The following NDST1 variants were observed in gnomAD, a reference collection of about 807,000 sequenced individuals.
NDST1 encodes the protein N-deacetylase and N-sulfotransferase 1.
NDST1 carries 35 observed loss-of-function variants against 92.8 expected under a neutral mutation model. That is an observed-to-expected ratio of 0.38 (90% CI 0.29 to 0.50). The LOEUF (loss-of-function observed/expected upper bound fraction) is 0.50, where lower values mean the gene tolerates loss of function less well. Ranked by LOEUF, NDST1 falls within the 20% of genes least tolerant of loss-of-function variation. NDST1 has a pLI of 0.94. For missense variants in NDST1, 822 were observed against 1,182.7 expected (o/e 0.69, Z 4.47); for synonymous variants, 493 against 500.3 (o/e 0.99, Z 0.19).
At position 150,543,001 on chromosome 5, in the gene NDST1, C is replaced by T. The variant is rs140174121; in HGVS notation, c.1970+30C>T. ...GTTGGCCTTTCTGTCCACAGCGGGACGGGAAGGCCATCCTGGGGCCTCCCA... is the reference window on the plus strand; with the variant it reads ...GTTGGCCTTTCTGTCCACAGCGGGATGGGAAGGCCATCCTGGGGCCTCCCA... On this transcript the variant is annotated intron_variant, in intron 10 of 14. Coordinates refer to ENST00000261797, the MANE Select transcript of NDST1 (RefSeq NM_001543.5). 3.1e-4 allele frequency: 498 copies of T among 1,613,230 alleles called. 4 individuals are homozygous for T. The East Asian group carries it at 9.0e-3, about 29-fold the overall frequency.
chr5:150,539,917 C>T (rs1755168162), intron 7 of NDST1, 165 bp from the exon 8 acceptor site: 1 of 745,732 alleles, frequency 1.3e-6, no homozygotes, highest in Non-Finnish European at 1.6e-6. Context: ...TCGTCTGTCA[C>T]CTCATCCAAG....
At chr5:150,531,334 G>C (rs1480674961) in intron 3 of NDST1, among the ~76,000 whole-genome samples, 1 of 152,098 alleles carries the variant, frequency 6.6e-6, no homozygotes, top group African/African-American at 2.4e-5. Context: ...AGGGAGTTGA[G>C]GTAACTTGCC....
chr5:150,526,798 T>C (rs1320266244), intron 2 of NDST1, among the ~76,000 whole-genome samples: 2 of 152,164 alleles, frequency 1.3e-5, no homozygotes, highest in Non-Finnish European at 2.9e-5. Context: ...TTGTACCATA[T>C]TCAGGGGCAG....
At position 150,510,205 on chromosome 5, in the gene NDST1, C is replaced by T. The variant is rs370045799; in HGVS notation, c.-388+1979C>T. Reference sequence around the variant, plus strand: ...CCTCTTTCAGGGTGTTAGGATTGAGCGTGATGGAGCAGGTAAGGCTCCTGG... The same window carrying T: ...CCTCTTTCAGGGTGTTAGGATTGAGTGTGATGGAGCAGGTAAGGCTCCTGG... On this transcript the variant is annotated intron_variant, in intron 1 of 14. Transcript: ENST00000261797. Among the ~76,000 whole-genome samples the T allele has an allele frequency of 1.2e-3, 180 of 152,264 alleles. 3 individuals are homozygous for T. The South Asian group carries it at 0.014, about 12-fold the overall frequency.
chr5:150,528,276 G>A lies in NDST1; in HGVS notation c.986G>A (p.Arg329His), dbSNP rs747996016. The change falls in exon 3 of 15, where the codon CGC becomes CAC. Residue 329 changes from arginine (R) to histidine (H), a missense_variant. Arg to His is a conservative substitution (Grantham distance 29). Transcript: ENST00000261797. ...DDIFVGKEGT[R>H]MKVEDVKALF... The stretch of plus-strand genomic sequence containing the variant: ...ATCTTCGTGGGCAAGGAGGGCACAC[G>A]CATGAAGGTGGAGGACGTGAAGGTA... The A allele has an allele frequency of 6.2e-7, 1 of 1,601,990 alleles. No homozygotes were observed. The highest frequency in any genetic ancestry group is 1.1e-5 in the South Asian group (1 of 90,352).
intron 3 of NDST1, among the ~76,000 whole-genome samples, chr5:150,531,617 A>G (rs2151283856): frequency 6.7e-6 from 1 of 149,612 alleles, no homozygotes; most frequent in South Asian, 2.1e-4. Flanking sequence ...CTTCTGCCTC[A>G]GCCTCCCGAA....
chr5:150,548,574 T>A (rs899761336), intron 12 of NDST1, among the ~76,000 whole-genome samples, 186 bp downstream of exon 12: 1 of 152,212 alleles, frequency 6.6e-6, no homozygotes, highest in Admixed American at 6.5e-5. Context: ...TCTCACTCTG[T>A]TGCCCAGGCT....
chr5:150,509,102 G>A (rs1293915920), intron 1 of NDST1, among the ~76,000 whole-genome samples: 1 of 152,160 alleles, frequency 6.6e-6, no homozygotes, highest in Admixed American at 6.5e-5. Context: ...GAAGGACTGG[G>A]AGGCTGTTGT....
intron 1 of NDST1, among the ~76,000 whole-genome samples, chr5:150,517,688 G>A (rs189803206): frequency 5.9e-5 from 9 of 152,164 alleles, no homozygotes; most frequent in Admixed American, 2.0e-4. Context: ...TTTTTAATGC[G>A]CATATTTTTT....
chr5:150,539,476 G>A, intron 7 of NDST1, 120 bp downstream of exon 7: 1 of 1,594,078 alleles, frequency 6.3e-7, no homozygotes. Flanking sequence ...GTGCCTGGCA[G>A]TTGGGAGACC....
rs191453073 is a variant in NDST1 at position 150,508,825 on chromosome 5, C to G, written c.-388+599C>G. Among the ~76,000 whole-genome samples the G allele has an allele frequency of 4.6e-5, 7 of 152,290 alleles. No individual in the cohort carries two copies. In the East Asian group the frequency reaches 1.4e-3, roughly 29 times the overall value. On this transcript the variant is annotated intron_variant, in intron 1 of 14. Coordinates refer to ENST00000261797, the MANE Select transcript of NDST1 (RefSeq NM_001543.5). ...GGGGAGAGAATCTGCTAATAGCCAT[C>G]ATTAGATTCTCAAAGGGTTCTATAA...
intron 2 of NDST1, among the ~76,000 whole-genome samples, chr5:150,525,029 G>C (rs1439341064): frequency 6.6e-6 from 1 of 152,214 alleles, no homozygotes; most frequent in African/African-American, 2.4e-5. Context: ...GGTCCCCCAG[G>C]TAATGGTGAG....
chr5:150,515,768 T>G (rs1174096585), intron 1 of NDST1, among the ~76,000 whole-genome samples: 1 of 152,016 alleles, frequency 6.6e-6, no homozygotes, highest in East Asian at 1.9e-4. Context: ...GAGGCCTTGG[T>G]GGCTGCAGGG....
chr5:150,506,082 G>T (rs890770080), upstream of NDST1, among the ~76,000 whole-genome samples: 1 of 152,182 alleles, frequency 6.6e-6, no homozygotes, highest in Admixed American at 6.5e-5. Flanking sequence ...CTCAGGAGGT[G>T]CCCGCTGTGT....
chr5:150,532,955 A>G lies in NDST1; in HGVS notation c.1019A>G (p.Asp340Gly), dbSNP rs1159973626. ...MKVEDVKALF[D>G]TQNELRAHIP... ...CCCTGCCTGTCCTAGGCCCTGTTTG[A>G]CACACAGAACGAACTACGCGCACAC... Residue 340 changes from aspartate to glycine, a missense_variant, in exon 4 of 15, where the codon GAC becomes GGC. Coordinates refer to ENST00000261797, the MANE Select transcript of NDST1 (RefSeq NM_001543.5). The G allele has an allele frequency of 6.2e-7, 1 of 1,614,072 alleles. No individual in the cohort carries two copies. Among genetic ancestry groups the G allele is most frequent in the Non-Finnish European group, 8.5e-7 (1 of 1,180,014 alleles).
chr5:150,531,137 T>A (rs974589543), intron 3 of NDST1, among the ~76,000 whole-genome samples: 2 of 152,094 alleles, frequency 1.3e-5, no homozygotes, highest in African/African-American at 2.4e-5. Flanking sequence ...GAATGTCGCC[T>A]CATTAGCTTG....
intron 4 of NDST1, 83 bp downstream of exon 4, chr5:150,533,115 C>A: frequency 1.5e-6 from 2 of 1,375,036 alleles, no homozygotes; most frequent in Non-Finnish European, 1.0e-6. Context: ...TCCATGAGGG[C>A]AGCGGGTGGG....
At position 150,545,542 on chromosome 5, in the gene NDST1, C is replaced by T. The variant is rs1020749271; in HGVS notation, c.2145+56C>T. ...CGGGAACACAGGGCTCCGTCTGACA[C>T]TCAGTTACTCACTCACTCAACAGAT... On this transcript the variant is annotated intron_variant, in intron 11 of 14. Transcript: ENST00000261797. The T allele has an allele frequency of 2.1e-5, 34 of 1,591,620 alleles. No homozygotes were observed. The Admixed American group carries it at 4.0e-4, about 19-fold the overall frequency.
intron 1 of NDST1, among the ~76,000 whole-genome samples, chr5:150,516,944 G>A (rs1753995199): frequency 6.6e-6 from 1 of 151,834 alleles, no homozygotes; most frequent in African/African-American, 2.4e-5. Flanking sequence ...GGGATGACAG[G>A]CGTGAGCCAC....
Sources: allele counts gnomAD v4.1 joint callset (sites outside exome capture counted in the v4.1 genomes callset), GRCh38; gene constraint gnomAD v4.1.1; transcripts MANE v1.5; gene names NCBI Gene and HGNC (gene_info 2026-07-23, HGNC 2026-07-21).